UBE2V1: variants seen among roughly 807,000 people sequenced by gnomAD.
The protein encoded by UBE2V1 is ubiquitin conjugating enzyme E2 V1.
UBE2V1 carries 15 observed loss-of-function variants against 19.6 expected under a neutral mutation model. The observed-to-expected ratio is 0.77, with a 90% CI of 0.51 to 1.18. The LOEUF is 1.18. Among genes scored for constraint, UBE2V1 ranks in the 50% most tolerant of loss-of-function variants. UBE2V1 has a pLI of 0.00. For missense variants in UBE2V1, 125 were observed against 184.8 expected (o/e 0.68, Z 1.88); for synonymous variants, 60 against 60.7 (o/e 0.99, Z 0.05).
chr20:50,100,441 C>T (rs1003486795), intron 1 of UBE2V1, among the ~76,000 whole-genome samples: 15 of 150,208 alleles, frequency 1.0e-4, no homozygotes, highest in Admixed American at 7.3e-4. Flanking sequence ...CAAAATTAGC[C>T]GGGCGTGGTG....
At chr20:50,115,595 G>A (rs1465161565), upstream of UBE2V1, 1 of 1,496,838 alleles carries the variant, frequency 6.7e-7, no homozygotes, top group Non-Finnish European at 9.0e-7. Flanking sequence ...CTTCTATGAG[G>A]ATAGTAGTAT....
intron 1 of UBE2V1, chr20:50,098,815 A>T (rs534170802): frequency 4.9e-6 from 3 of 608,290 alleles, no homozygotes; most frequent in Admixed American, 6.3e-5. Context: ...TCAGTTGATT[A>T]CAAGAAAAAT....
At chr20:50,112,758 C>T (rs1448759153) in intron 1 of UBE2V1, among the ~76,000 whole-genome samples, 1 of 152,220 alleles carries the variant, frequency 6.6e-6, no homozygotes, top group Admixed American at 6.5e-5. Flanking sequence ...CTCTAGGGGA[C>T]CTCTAGATCG....
rs569131265 is a variant in UBE2V1 at position 50,103,665 on chromosome 20, C to T, written c.23-6845G>A. The stretch of plus-strand genomic sequence containing the variant: ...AAGTGATCTGCCCGCCTTGGCCTCC[C>T]AAGGTGCTGGGATTACAGGCATCAG... On this transcript the variant is annotated intron_variant, in intron 1 of 3. Coordinates refer to ENST00000371674, the MANE Select transcript of UBE2V1 (RefSeq NM_001032288.3). 4.9e-4 allele frequency among the ~76,000 whole-genome samples: 75 copies of T among 152,222 alleles called. No homozygotes were observed. The Middle Eastern group carries it at 0.01, about 21-fold the overall frequency.
intron 2 of UBE2V1, among the ~76,000 whole-genome samples, chr20:50,086,681 T>C (rs1473116062): frequency 1.3e-5 from 2 of 151,922 alleles, no homozygotes; most frequent in African/African-American, 4.8e-5. Flanking sequence ...TTTTAAGGAA[T>C]CAAATTTCTC....
intron 3 of UBE2V1, 70 bp downstream of exon 3, chr20:50,084,059 A>G: frequency 6.6e-7 from 1 of 1,519,580 alleles, no homozygotes; most frequent in South Asian, 1.4e-5. Context: ...CCCAGTCTAA[A>G]AGCTCCTGAT....
At chr20:50,090,205 G>A (rs1401909221) in intron 2 of UBE2V1, among the ~76,000 whole-genome samples, 1 of 152,076 alleles carries the variant, frequency 6.6e-6, no homozygotes, top group Non-Finnish European at 1.5e-5. Flanking sequence ...CTAGTATTGG[G>A]TATCAATCCA....
intron 1 of UBE2V1, 23 bp downstream of exon 1, chr20:50,113,084 C>T: frequency 3.3e-6 from 4 of 1,195,056 alleles, no homozygotes; most frequent in Non-Finnish European, 3.3e-6. Flanking sequence ...CCTCGGCCGG[C>T]CGGGCCCGGC....
chr20:50,112,042 G>A (rs922551066), intron 1 of UBE2V1, among the ~76,000 whole-genome samples: 1 of 152,196 alleles, frequency 6.6e-6, no homozygotes, highest in African/African-American at 2.4e-5. Context: ...ATCAGCCAGT[G>A]GGGAACTTCT....
chr20:50,098,960 G>A, intron 1 of UBE2V1: 1 of 985,450 alleles, frequency 1.0e-6, no homozygotes, highest in Non-Finnish European at 1.2e-6. Flanking sequence ...ACTGGATTAA[G>A]TCTCCTGTAG....
intron 2 of UBE2V1, chr20:50,095,956 C>T (rs2079592819): frequency 6.6e-6 from 1 of 152,270 alleles, no homozygotes. Flanking sequence ...AGATCTGACT[C>T]CTCTGAGTCT....
intron 1 of UBE2V1, chr20:50,098,951 C>A: frequency 1.0e-6 from 1 of 985,404 alleles, no homozygotes; most frequent in Non-Finnish European, 1.2e-6. Flanking sequence ...TTCAGCTATA[C>A]TGGATTAAGT....
chr20:50,115,387 T>C (rs1283170499), upstream of UBE2V1: 3 of 1,374,214 alleles, frequency 2.2e-6, no homozygotes, highest in Non-Finnish European at 9.5e-7. Context: ...TGATACAAGT[T>C]TGCTTTGGGG....
chr20:50,103,241 G>C (rs1231025437), intron 1 of UBE2V1, among the ~76,000 whole-genome samples: 3 of 152,128 alleles, frequency 2.0e-5, no homozygotes, highest in Non-Finnish European at 4.4e-5. Context: ...GAATGACTAG[G>C]TATTAGCTAG....
chr20:50,092,247 G>C (rs139962458), intron 2 of UBE2V1, among the ~76,000 whole-genome samples: 4 of 152,220 alleles, frequency 2.6e-5, no homozygotes, highest in Admixed American at 6.5e-5. Flanking sequence ...GCTTGAACCC[G>C]GGAGACAGAG....
chr20:50,099,170 C>G (rs755575692), intron 1 of UBE2V1, among the ~76,000 whole-genome samples: 4 of 152,022 alleles, frequency 2.6e-5, no homozygotes, highest in Non-Finnish European at 4.4e-5. Context: ...GATAGGAAGG[C>G]TGATGACTGA....
chr20:50,109,816 GGCT>G (rs2080634870), intron 1 of UBE2V1, among the ~76,000 whole-genome samples: 2 of 151,694 alleles, frequency 1.3e-5, no homozygotes, highest in South Asian at 2.1e-4. Context: ...CACTGGAGCA[GGCT>G]GCTATTTCTT....
intron 1 of UBE2V1, chr20:50,098,817 A>G: frequency 1.6e-6 from 1 of 637,022 alleles, no homozygotes; most frequent in Non-Finnish European, 2.0e-6. Flanking sequence ...AGTTGATTAC[A>G]AGAAAAATAT....
chr20:50,088,161 A>G (rs1052419652), intron 2 of UBE2V1, among the ~76,000 whole-genome samples: 6 of 151,738 alleles, frequency 4.0e-5, no homozygotes, highest in African/African-American at 1.2e-4. Context: ...ATACCTGACC[A>G]GTACTCCTCA....
Sources: gnomAD v4.1 joint callset for allele counts (sites outside exome capture counted in the v4.1 genomes callset) on GRCh38, gnomAD v4.1.1 for gene constraint, MANE v1.5 for transcripts, NCBI Gene and HGNC (gene_info 2026-07-23, HGNC 2026-07-21) for gene names.